POLH: variants seen among roughly 807,000 people sequenced by gnomAD.
POLH encodes DNA polymerase eta transcript.
A neutral mutation model predicts 73.6 loss-of-function variants in POLH; 53 were observed. That is an observed-to-expected ratio of 0.72 (90% CI 0.58 to 0.91). POLH has a LOEUF of 0.91. POLH is among the 40% of genes least tolerant of loss of function. The pLI is 0.00. For missense variants in POLH, 768 were observed against 865.4 expected, an observed-to-expected ratio of 0.89 and a Z score of 1.41; for synonymous variants, 292 against 308.5, an observed-to-expected ratio of 0.95 and a Z score of 0.56.
Position 43,587,253 on chromosome 6 carries a change from T to C in POLH, c.273-19T>C, listed in dbSNP as rs765366189. ...TGCCTCTGTTTATTGCCTGCATGAA[T>C]GATCCTTATACTTCTTAGGTACCGG... On this transcript the variant is annotated intron_variant, in intron 3 of 10. Coordinates refer to ENST00000372236, the MANE Select transcript of POLH (RefSeq NM_006502.3). 1 of 1,595,286 alleles carries C rather than the reference T, an allele frequency of 6.3e-7. No homozygotes were observed.
chr6:43,594,827 A>G (rs1009848038), intron 4 of POLH, among the ~76,000 whole-genome samples: 1 of 152,198 alleles, frequency 6.6e-6, no homozygotes, highest in Non-Finnish European at 1.5e-5. Context: ...TTATGAAGCC[A>G]ATATTTGAAC....
intron 2 of POLH, 36 bp downstream of exon 2, chr6:43,582,492 G>C (rs778903665): frequency 6.2e-7 from 1 of 1,602,852 alleles, no homozygotes; most frequent in African/African-American, 1.3e-5. Flanking sequence ...CTATTCAATG[G>C]TAACACAGTG....
chr6:43,579,532 C>T (rs1478136483), intron 1 of POLH, among the ~76,000 whole-genome samples: 1 of 152,160 alleles, frequency 6.6e-6, no homozygotes, highest in Non-Finnish European at 1.5e-5. Context: ...TGTATCTCTT[C>T]ATCTGTATAT....
chr6:43,618,043 T>C lies in POLH; in HGVS notation c.*3486T>C, dbSNP rs1006527999. On this transcript the variant is annotated 3_prime_UTR_variant, in exon 11 of 11. Transcript: ENST00000372236. ...AGTACAAATTTAAGAGGTAAGTGCTTCAGCCATTAGGGTTACTGGCTTGTT... is the reference window on the plus strand; with the variant it reads ...AGTACAAATTTAAGAGGTAAGTGCTCCAGCCATTAGGGTTACTGGCTTGTT... 1.3e-5 allele frequency among the ~76,000 whole-genome samples: 2 copies of C among 152,248 alleles called. No homozygotes were observed. Among genetic ancestry groups the C allele is most frequent in the African/African-American group, 4.8e-5 (2 of 41,462 alleles).
Position 43,604,756 on chromosome 6 carries a change from A to C in POLH, c.1008+18A>C. 1.2e-6 allele frequency: 2 copies of C among 1,613,938 alleles called. No individual in the cohort carries two copies. The highest frequency in any genetic ancestry group is 1.3e-5 in the African/African-American group (1 of 75,044). On this transcript the variant is annotated intron_variant, in intron 8 of 10. Transcript: ENST00000372236. ...GGGAACAGGTAAGCTGGCATTCTTG[A>C]CAGAACACTACCTCTTTTAAAGGGG...
In POLH at chr6:43,619,839, C is replaced by A. The variant is rs1403766374; in HGVS notation, c.*5282C>A. 6.6e-6 allele frequency among the ~76,000 whole-genome samples: 1 copy of A among 152,168 alleles called. No homozygotes were observed. The highest frequency in any genetic ancestry group is 2.4e-5 in the African/African-American group (1 of 41,438). On this transcript the variant is annotated 3_prime_UTR_variant, in exon 11 of 11. Coordinates refer to ENST00000372236, the MANE Select transcript of POLH (RefSeq NM_006502.3). ...TGTTAGTAGCAAGTTAAACCAGTTA[C>A]ATTTTATAAAACAGCCTGAGTGGTA...
At chr6:43,597,577 AT>A in intron 4 of POLH, 118 bp from the exon 5 acceptor site, 7 of 973,292 alleles carry the variant, frequency 7.2e-6, no homozygotes, top group South Asian at 1.5e-5. Flanking sequence ...GCTGGCTGCC[AT>A]TTTTTTGTGA....
At chr6:43,581,947 CAG>C (rs1764328253) in intron 1 of POLH, among the ~76,000 whole-genome samples, 1 of 151,942 alleles carries the variant, frequency 6.6e-6, no homozygotes, top group Admixed American at 6.5e-5. Context: ...TTTTTCCACT[CAG>C]GGTATCCCTA....
Position 43,582,315 on chromosome 6 carries a change from G to C in POLH, c.-4-1G>C, listed in dbSNP as rs1461960812. Reference sequence around the variant, plus strand: ...ACTGTCCATAAAATGTTGTGTTACAGAAAAATGGCTACTGGACAGGATCGA... The same window carrying C: ...ACTGTCCATAAAATGTTGTGTTACACAAAAATGGCTACTGGACAGGATCGA... On this transcript the variant is annotated splice_acceptor_variant, in intron 1 of 10. Coordinates refer to ENST00000372236, the MANE Select transcript of POLH (RefSeq NM_006502.3). LOFTEE classifies it low-confidence loss of function (5UTR_SPLICE). The C allele has an allele frequency of 1.9e-6, 3 of 1,613,944 alleles. No homozygotes were observed. Among genetic ancestry groups the C allele is most frequent in the Non-Finnish European group, 2.5e-6 (3 of 1,179,914 alleles).
chr6:43,584,644 C>T (rs1346099593), intron 3 of POLH, among the ~76,000 whole-genome samples: 1 of 152,178 alleles, frequency 6.6e-6, no homozygotes, highest in East Asian at 1.9e-4. Flanking sequence ...GAGATGGCAT[C>T]AGATTCCACA....
rs770838265 is a variant in POLH at position 43,600,944 on chromosome 6, A to G, written c.661-44A>G. 5.8e-6 allele frequency: 7 copies of G among 1,208,924 alleles called. No homozygotes were observed. The East Asian group carries it at 1.4e-4, about 24-fold the overall frequency. 74.9% of individuals were successfully genotyped at this position (1,208,924 alleles called of 1,614,324 possible). On this transcript the variant is annotated intron_variant, in intron 5 of 10. Transcript: ENST00000372236. ...TGTATGTTTATATTCACCAACTTTG[A>G]TGGGTTGACAGTAATGAGGTTTTTA...
At chr6:43,605,443 C>CTTTTTTTTTTTTTTTT (rs540143863) in intron 9 of POLH, 124 bp downstream of exon 9, 1 of 215,666 alleles carries the variant, frequency 4.6e-6, no homozygotes, top group Non-Finnish European at 8.3e-6. Context: ...CGTTTTCTTT[C>CTTTTTTTTTTTTTTTT]TTTTTTTTTT....
At chr6:43,612,279 A>G (rs1767968881) in intron 10 of POLH, among the ~76,000 whole-genome samples, 1 of 151,836 alleles carries the variant, frequency 6.6e-6, no homozygotes, top group Non-Finnish European at 1.5e-5. Context: ...CGTGATGCAC[A>G]GGGAAGCATC....
At chr6:43,596,373 C>T (rs1243306739) in intron 4 of POLH, among the ~76,000 whole-genome samples, 2 of 151,998 alleles carry the variant, frequency 1.3e-5, no homozygotes, top group Non-Finnish European at 2.9e-5. Flanking sequence ...GTCCCAGCTA[C>T]TCGGGAGGCT....
chr6:43,578,612 A>G (rs1428659830), intron 1 of POLH, among the ~76,000 whole-genome samples: 1 of 152,200 alleles, frequency 6.6e-6, no homozygotes, highest in African/African-American at 2.4e-5. Context: ...TGTAGTTAAT[A>G]ATATGCCAAT....
intron 3 of POLH, among the ~76,000 whole-genome samples, chr6:43,584,114 G>T (rs1302321123): frequency 6.6e-6 from 1 of 152,238 alleles, no homozygotes; most frequent in Non-Finnish European, 1.5e-5. Flanking sequence ...CTGCACTCCG[G>T]TCTGGGTGAC....
chr6:43,583,919 G>A (rs997067947), intron 3 of POLH, among the ~76,000 whole-genome samples: 2 of 152,154 alleles, frequency 1.3e-5, no homozygotes, highest in Non-Finnish European at 2.9e-5. Flanking sequence ...TTGAGTCCAG[G>A]ACACCAGCCT....
intron 9 of POLH, among the ~76,000 whole-genome samples, chr6:43,608,292 C>T (rs1041115616): frequency 5.9e-5 from 9 of 152,182 alleles, no homozygotes; most frequent in African/African-American, 2.2e-4. Flanking sequence ...TTGTTTGATG[C>T]ATCCTCTTCT....
chr6:43,619,157 A>G lies in POLH; in HGVS notation c.*4600A>G, dbSNP rs1218101262. On this transcript the variant is annotated 3_prime_UTR_variant, in exon 11 of 11. Transcript: ENST00000372236. ...TTTGGGAGGCTGAGGTGGGTGGACT[A>G]CTGGAGCCCTGGAGTTCAAAACCGG... 6.6e-6 allele frequency among the ~76,000 whole-genome samples: 1 copy of G among 152,058 alleles called. No homozygotes were observed. The highest frequency in any genetic ancestry group is 1.5e-5 in the Non-Finnish European group (1 of 67,988).
Sources: gnomAD v4.1 joint callset for allele counts (sites outside exome capture counted in the v4.1 genomes callset) on GRCh38, gnomAD v4.1.1 for gene constraint, MANE v1.5 for transcripts, NCBI Gene and HGNC (gene_info 2026-07-23, HGNC 2026-07-21) for gene names.